IQUB: variants seen among roughly 807,000 people sequenced by gnomAD.
The protein encoded by IQUB is IQ motif and ubiquitin domain containing, also known as IQ motif and ubiquitin-like domain-containing protein.
IQUB carries 86 observed loss-of-function variants against 86.4 expected under a neutral mutation model. The observed-to-expected ratio is 1.00, with a 90% CI of 0.84 to 1.19. The LOEUF is 1.19. Ranked by LOEUF, IQUB falls within the 50% of genes most tolerant of loss-of-function variation. The pLI is 0.00. For missense variants in IQUB, 946 were observed against 916.9 expected (o/e 1.03, Z -0.41); for synonymous variants, 289 against 304.5 (o/e 0.95, Z 0.53).
Position 123,503,378 on chromosome 7 carries a change from A to G in IQUB, c.533-15T>C. 7.3e-7 allele frequency: 1 copy of G among 1,376,038 alleles called. No individual in the cohort carries two copies. The highest frequency in any genetic ancestry group is 9.9e-7 in the Non-Finnish European group (1 of 1,005,612). 85.2% of individuals were successfully genotyped at this position (1,376,038 alleles called of 1,614,324 possible). ...AAGAATTTTTCCTAAAAATTGAAATAAAATTTTTAAAAGTTTTATGACAAA... is the reference window on the plus strand; with the variant it reads ...AAGAATTTTTCCTAAAAATTGAAATGAAATTTTTAAAAGTTTTATGACAAA... On this transcript the variant is annotated splice_polypyrimidine_tract_variant and intron_variant, in intron 3 of 12. Transcript: ENST00000324698.
intron 1 of IQUB, among the ~76,000 whole-genome samples, chr7:123,521,329 C>G (rs1796890845): frequency 6.6e-6 from 1 of 151,990 alleles, no homozygotes; most frequent in Non-Finnish European, 1.5e-5. Context: ...TGCTCCCCTC[C>G]AAGCAATCTA....
chr7:123,458,791 A>G (rs1167345224), intron 11 of IQUB, among the ~76,000 whole-genome samples: 1 of 152,020 alleles, frequency 6.6e-6, no homozygotes, highest in Non-Finnish European at 1.5e-5. Flanking sequence ...AAATTTTTGC[A>G]GTAACAGAGC....
rs1248659528 is a variant in IQUB, at chr7:123,469,250, C to G, written c.1545G>C (p.Arg515Ser). The G allele has an allele frequency of 6.2e-7, 1 of 1,602,230 alleles. No homozygotes were observed. The change falls in exon 9 of 13, where the codon AGG becomes AGC. Residue 515 changes from arginine (R) to serine (S), a missense_variant. Coordinates refer to ENST00000324698, the MANE Select transcript of IQUB (RefSeq NM_178827.5). Reference sequence around the variant, plus strand: ...GTTTAAGAGTTAACAGCACATCCAGCCTCTCATCTTGGGAGATATTTTTCA... The same window carrying G: ...GTTTAAGAGTTAACAGCACATCCAGGCTCTCATCTTGGGAGATATTTTTCA... ...IMLKNISQDE[R>S]LDVLLTLKHT...
chr7:123,533,169 G>A lies in IQUB; in HGVS notation c.-5+1323C>T, dbSNP rs188098053. Among the ~76,000 whole-genome samples, 195 of 152,334 alleles carry A rather than the reference G, an allele frequency of 1.3e-3. 1 individual carries two copies. The highest frequency in any genetic ancestry group is 4.3e-3 in the African/African-American group (179 of 41,584). On this transcript the variant is annotated intron_variant, in intron 1 of 12. Transcript: ENST00000324698. Reference sequence around the variant, plus strand: ...GTCTACTCAACCTCGTCTTGGCTCCGAGGCCCCGCCATGCAGACCCCTCTA... The same window carrying A: ...GTCTACTCAACCTCGTCTTGGCTCCAAGGCCCCGCCATGCAGACCCCTCTA...
chr7:123,454,708 C>T (rs1471461194), intron 12 of IQUB, among the ~76,000 whole-genome samples: 1 of 151,988 alleles, frequency 6.6e-6, no homozygotes, highest in Non-Finnish European at 1.5e-5. Flanking sequence ...TACCCCACAC[C>T]CACATTTTCC....
At chr7:123,521,450 C>G (rs1236567836) in intron 1 of IQUB, among the ~76,000 whole-genome samples, 31 of 152,102 alleles carry the variant, frequency 2.0e-4, no homozygotes, top group Admixed American at 2.0e-3. Flanking sequence ...CAATACCAGC[C>G]TGGGCAACAT....
chr7:123,477,257 C>CA (rs1477764604), intron 8 of IQUB, among the ~76,000 whole-genome samples: 2 of 152,092 alleles, frequency 1.3e-5, no homozygotes, highest in South Asian at 2.1e-4. Flanking sequence ...ACCAATGGAA[C>CA]AAAACAGAGG....
intron 5 of IQUB, 52 bp from the exon 6 acceptor site, chr7:123,502,804 A>G (rs1200245214): frequency 2.8e-6 from 4 of 1,420,326 alleles, no homozygotes; most frequent in Non-Finnish European, 2.9e-6. Flanking sequence ...TATATACATA[A>G]GGGAGTTTTT....
rs118073548 is a variant in IQUB, at chr7:123,465,499, G to A, written c.1582-490C>T. On this transcript the variant is annotated intron_variant, in intron 9 of 12. Coordinates refer to ENST00000324698, the MANE Select transcript of IQUB (RefSeq NM_178827.5). ...CTGTTTAATATTTGTTAAACTGTACGTATATATTTTATTCACTTTTCTGTC... is the reference window on the plus strand; with the variant it reads ...CTGTTTAATATTTGTTAAACTGTACATATATATTTTATTCACTTTTCTGTC... Among the ~76,000 whole-genome samples, 314 of 152,044 alleles carry A rather than the reference G, an allele frequency of 2.1e-3. 4 individuals are homozygous for A. Among genetic ancestry groups the A allele is most frequent in the East Asian group, 0.018 (95 of 5,176 alleles).
intron 1 of IQUB, among the ~76,000 whole-genome samples, chr7:123,530,950 T>C (rs1797513893): frequency 1.3e-5 from 2 of 152,152 alleles, no homozygotes; most frequent in Admixed American, 6.5e-5. Flanking sequence ...ATGCTGGGAT[T>C]AGGCTGCTCT....
chr7:123,508,345 C>T (rs1037134640), intron 3 of IQUB, among the ~76,000 whole-genome samples: 9 of 152,274 alleles, frequency 5.9e-5, no homozygotes, highest in South Asian at 2.1e-4. Flanking sequence ...GAACTATAAG[C>T]GAAATATATG....
At chr7:123,472,891 A>G (rs1431623241) in intron 8 of IQUB, among the ~76,000 whole-genome samples, 1 of 152,182 alleles carries the variant, frequency 6.6e-6, no homozygotes, top group East Asian at 1.9e-4. Flanking sequence ...TACAACAATC[A>G]TGTACTTAAA....
rs1796044199 is a variant in IQUB, at chr7:123,503,498, G to C, written c.533-135C>G. ...GCATGCTTTGAACTATGTATACATTGTGAAGTAGCTTAATACAGCTATTAA... is the reference window on the plus strand; with the variant it reads ...GCATGCTTTGAACTATGTATACATTCTGAAGTAGCTTAATACAGCTATTAA... On this transcript the variant is annotated intron_variant, in intron 3 of 12. Transcript: ENST00000324698. 10 of 561,354 alleles carry C rather than the reference G, an allele frequency of 1.8e-5. 1 individual carries two copies. The highest frequency in any genetic ancestry group is 3.1e-5 in the Non-Finnish European group (10 of 322,678). 34.8% of individuals were successfully genotyped at this position (561,354 alleles called of 1,614,324 possible). A position where few individuals can be genotyped will look rare whatever the true frequency, so the allele number is the denominator to read the frequency against.
chr7:123,521,790 A>G (rs755023190), intron 1 of IQUB, among the ~76,000 whole-genome samples: 2 of 152,234 alleles, frequency 1.3e-5, no homozygotes, highest in African/African-American at 2.4e-5. Context: ...TGTTTTCAAG[A>G]CATTAGTTGT....
intron 10 of IQUB, among the ~76,000 whole-genome samples, chr7:123,463,374 T>G (rs1794093344): frequency 6.6e-6 from 1 of 151,778 alleles, no homozygotes; most frequent in African/African-American, 2.4e-5. Context: ...CAAAACTCTC[T>G]AAACAATCCA....
At chr7:123,509,417 T>C (rs1409999262) in intron 3 of IQUB, among the ~76,000 whole-genome samples, 6 of 152,266 alleles carry the variant, frequency 3.9e-5, no homozygotes, top group Non-Finnish European at 7.4e-5. Flanking sequence ...ATTTTTTCAA[T>C]CTCATCTCCT....
chr7:123,504,266 T>C (rs1371862114), intron 3 of IQUB, among the ~76,000 whole-genome samples: 3 of 151,992 alleles, frequency 2.0e-5, no homozygotes, highest in Non-Finnish European at 2.9e-5. Flanking sequence ...CTGTCCAACA[T>C]GGGAAAACCC....
chr7:123,454,814 C>T (rs1793614526), intron 12 of IQUB, among the ~76,000 whole-genome samples: 1 of 152,066 alleles, frequency 6.6e-6, no homozygotes, highest in Non-Finnish European at 1.5e-5. Flanking sequence ...GGGTGAAGTG[C>T]CCTTCTCCTC....
intron 7 of IQUB, among the ~76,000 whole-genome samples, chr7:123,482,039 A>G (rs562000767): frequency 6.6e-6 from 1 of 152,024 alleles, no homozygotes; most frequent in Non-Finnish European, 1.5e-5. Context: ...TGAACAAAAA[A>G]GAAAGCAGAA....
Sources: allele counts gnomAD v4.1 joint callset (sites outside exome capture counted in the v4.1 genomes callset), GRCh38; gene constraint gnomAD v4.1.1; transcripts MANE v1.5; gene names NCBI Gene and HGNC (gene_info 2026-07-23, HGNC 2026-07-21).